Variants in TBC1D1 observed in about 807,000 individuals in gnomAD.
The protein encoded by TBC1D1 is TBC1 domain family member 1, also known as TBC1 (tre-2/USP6, BUB2, cdc16) domain family, member 1.
Under a neutral mutation model 125.6 loss-of-function variants are expected in TBC1D1, and 89 were observed. That is an observed-to-expected ratio of 0.71 (90% CI 0.60 to 0.85). The LOEUF (loss-of-function observed/expected upper bound fraction) is 0.85, where lower values mean the gene tolerates loss of function less well. Among genes scored for constraint, TBC1D1 ranks in the 40% least tolerant of loss-of-function variants. The pLI is 0.00. For synonymous variants in TBC1D1, 565 were observed against 564.1 expected (o/e 1.00, Z -0.02); for missense variants, 1,377 against 1,469.2 (o/e 0.94, Z 1.03).
intron 15 of TBC1D1, among the ~76,000 whole-genome samples, chr4:38,104,541 T>G (rs1377354250): frequency 6.6e-6 from 1 of 152,184 alleles, no homozygotes; most frequent in Non-Finnish European, 1.5e-5. Context: ...GTGGCCCTGC[T>G]TCCAGAATAC....
At chr4:38,074,139 C>T (rs1433892828) in intron 12 of TBC1D1, among the ~76,000 whole-genome samples, 1 of 152,148 alleles carries the variant, frequency 6.6e-6, no homozygotes. Context: ...TGCTCCTGCC[C>T]CATCCCAGGT....
chr4:38,060,582 A>G, intron 12 of TBC1D1: 1 of 1,277,066 alleles, frequency 7.8e-7, no homozygotes, highest in South Asian at 1.2e-5. Flanking sequence ...AAGGGTAAGG[A>G]TGCTTACGTC....
In TBC1D1 at chr4:38,018,405, T is replaced by C. The variant is rs370157598; in HGVS notation, c.934T>C (p.Leu312=). The C allele has an allele frequency of 1.9e-4, 304 of 1,612,402 alleles. 1 individual carries two copies. Among genetic ancestry groups the C allele is most frequent in the Middle Eastern group, 1.2e-3 (7 of 6,078 alleles). Residue 312 remains leucine (L), a synonymous_variant, in exon 4 of 20, where the codon TTG becomes CTG. Coordinates refer to ENST00000261439, the MANE Select transcript of TBC1D1 (RefSeq NM_015173.4). ...CAGTCCTGACACCAAAAAAATAGCA[T>C]TGGAGAAAAATTTTAAGGAGATATC...
intron 15 of TBC1D1, chr4:38,112,131 T>C (rs1762292679): frequency 1.0e-6 from 1 of 953,686 alleles, no homozygotes. Context: ...AAGTGTGGGG[T>C]GTACAGGTGT....
At chr4:38,064,812 A>G (rs1753401041) in intron 12 of TBC1D1, among the ~76,000 whole-genome samples, 1 of 151,096 alleles carries the variant, frequency 6.6e-6, no homozygotes, top group South Asian at 2.1e-4. Context: ...TTTAGTAGAG[A>G]CGGGGTTTCA....
At chr4:37,940,144 C>T (rs1268856471) in intron 2 of TBC1D1, among the ~76,000 whole-genome samples, 1 of 152,154 alleles carries the variant, frequency 6.6e-6, no homozygotes, top group African/African-American at 2.4e-5. Context: ...ATTGATTCTT[C>T]CTATCCATGA....
chr4:38,052,194 T>C (rs533861369), intron 11 of TBC1D1, 134 bp downstream of exon 12: 6,376 of 579,836 alleles, frequency 0.011, 90 homozygotes, highest in Middle Eastern at 0.044. Flanking sequence ...TGTGTGTGTG[T>C]GCGCGCGCGT....
chr4:37,949,467 G>A (rs933475682), intron 2 of TBC1D1, among the ~76,000 whole-genome samples: 1 of 152,182 alleles, frequency 6.6e-6, no homozygotes, highest in East Asian at 1.9e-4. Flanking sequence ...GTTGTAGCAC[G>A]TACTGCGGTG....
At chr4:38,043,161 C>A (rs1216068931) in intron 8 of TBC1D1, among the ~76,000 whole-genome samples, 4 of 151,996 alleles carry the variant, frequency 2.6e-5, no homozygotes, top group Non-Finnish European at 5.9e-5. Flanking sequence ...CTTGGCCTCC[C>A]AAAGTGCTGA....
At position 38,014,870 on chromosome 4, in the gene TBC1D1, T is replaced by A; in HGVS notation, c.779T>A (p.Phe260Tyr). 1 of 1,610,906 alleles carries A rather than the reference T, an allele frequency of 6.2e-7. No individual in the cohort carries two copies. The highest frequency in any genetic ancestry group is 8.5e-7 in the Non-Finnish European group (1 of 1,177,558). Residue 260 changes from phenylalanine to tyrosine, a missense_variant, in exon 3 of 20, where the codon TTC (phenylalanine) becomes TAC (tyrosine). Phe to Tyr is a conservative substitution (Grantham distance 22). Transcript: ENST00000261439. This position sits in a 1 kb window ranked among gnomAD's most constrained non-coding sequence, Gnocchi z 5.1. ...GATGGGGGCCTCCGAAGCAGCGGCTTCTTCAGCTCCTTCGAGGAGAGCGAC... is the reference window on the plus strand; with the variant it reads ...GATGGGGGCCTCCGAAGCAGCGGCTACTTCAGCTCCTTCGAGGAGAGCGAC...
chr4:37,917,601 G>C (rs1195909916), intron 2 of TBC1D1, among the ~76,000 whole-genome samples: 1 of 152,196 alleles, frequency 6.6e-6, no homozygotes, highest in Non-Finnish European at 1.5e-5. Flanking sequence ...ACAGGGCAGA[G>C]AGCCAGGATT....
chr4:38,075,799 T>A (rs915188244), intron 12 of TBC1D1, among the ~76,000 whole-genome samples: 1 of 152,180 alleles, frequency 6.6e-6, no homozygotes, highest in African/African-American at 2.4e-5. Flanking sequence ...GAGTCTCACT[T>A]CAGGACAGCT....
intron 2 of TBC1D1, among the ~76,000 whole-genome samples, chr4:37,954,202 C>G (rs1728456958): frequency 6.6e-6 from 1 of 152,140 alleles, no homozygotes; most frequent in Admixed American, 6.5e-5. Flanking sequence ...GCTCCTCGCA[C>G]CAGTGCATTC....
chr4:37,997,955 T>C (rs1294235431), intron 2 of TBC1D1, among the ~76,000 whole-genome samples: 1 of 152,158 alleles, frequency 6.6e-6, no homozygotes. Flanking sequence ...TGAGTAAATA[T>C]TGAGTTGTAA....
At chr4:37,948,766 A>AC (rs1161096800) in intron 2 of TBC1D1, among the ~76,000 whole-genome samples, 2 of 152,004 alleles carry the variant, frequency 1.3e-5, no homozygotes, top group South Asian at 4.2e-4. Context: ...ATCAGCTGTC[A>AC]CCCCCCGTCT....
At chr4:37,957,356 A>G (rs2152327201) in intron 2 of TBC1D1, among the ~76,000 whole-genome samples, 1 of 152,380 alleles carries the variant, frequency 6.6e-6, no homozygotes, top group African/African-American at 2.4e-5. Flanking sequence ...ACAGTGGCTC[A>G]TGCCTGTAAT....
chr4:37,950,862 G>A (rs940981055), intron 2 of TBC1D1, among the ~76,000 whole-genome samples: 40 of 151,452 alleles, frequency 2.6e-4, no homozygotes, highest in African/African-American at 7.3e-4. Flanking sequence ...AGGTTCAAGC[G>A]ATTCTCCTGC....
intron 2 of TBC1D1, among the ~76,000 whole-genome samples, chr4:37,932,570 G>A (rs1161191010): frequency 6.6e-6 from 1 of 152,090 alleles, no homozygotes; most frequent in Non-Finnish European, 1.5e-5. Flanking sequence ...TATTTCTTCT[G>A]AATTGTGTCA....
intron 12 of TBC1D1, among the ~76,000 whole-genome samples, chr4:38,087,803 G>A (rs1228703892): frequency 3.1e-5 from 4 of 130,988 alleles, no homozygotes; most frequent in East Asian, 2.2e-4. Flanking sequence ...CCAAGATTGC[G>A]CCACCACACT....
Sources: allele counts gnomAD v4.1 joint callset (sites outside exome capture counted in the v4.1 genomes callset), GRCh38; gene constraint gnomAD v4.1.1; non-coding constraint Gnocchi (gnomAD v3.1); transcripts MANE v1.5; gene names NCBI Gene and HGNC (gene_info 2026-07-23, HGNC 2026-07-21).